ST7L: variants seen among roughly 807,000 people sequenced by gnomAD.
The protein encoded by ST7L is suppressor of tumorigenicity 7 protein-like.
Under a neutral mutation model 72.5 loss-of-function variants are expected in ST7L, and 57 were observed. The ratio of observed to expected loss-of-function variants is 0.79; its 90% CI spans 0.64 to 0.98. The LOEUF is 0.98. Among genes scored for constraint, ST7L ranks in the 50% least tolerant of loss-of-function variants. ST7L has a pLI of 0.00. For synonymous variants in ST7L, 221 were observed against 240.9 expected (o/e 0.92, Z 0.77); for missense variants, 576 against 672.2 (o/e 0.86, Z 1.58).
chr1:112,558,930 A>G (rs901792167), intron 11 of ST7L, among the ~76,000 whole-genome samples: 1 of 152,236 alleles, frequency 6.6e-6, no homozygotes, highest in African/African-American at 2.4e-5. Context: ...GAGCTTCTTC[A>G]GTAGGAAGCA....
Position 112,610,890 on chromosome 1 carries a change from A to C in ST7L, c.402T>G (p.Gly134=). 3 of 1,614,178 alleles carry C rather than the reference A, an allele frequency of 1.9e-6. No homozygotes were observed. The highest frequency in any genetic ancestry group is 2.5e-6 in the Non-Finnish European group (3 of 1,180,036). ...GGTESSISEP[G]SPSRNRENET... is the part of the protein sequence containing the mutation. The stretch of plus-strand genomic sequence containing the variant: ...CATTTTCTCTGTTCCTCGAAGGAGA[A>C]CCTGGTTCTGAAATGCTGCTCTCTG... Residue 134 remains glycine (G), a synonymous_variant, in exon 3 of 15, where the codon GGT becomes GGG. Transcript: ENST00000358039.
chr1:112,602,019 GGT>G (rs1667467017), intron 3 of ST7L, among the ~76,000 whole-genome samples: 1 of 151,296 alleles, frequency 6.6e-6, no homozygotes, highest in South Asian at 2.1e-4. Context: ...GGGAGGCGGA[GGT>G]TGCAGTGGAT....
intron 6 of ST7L, among the ~76,000 whole-genome samples, chr1:112,587,138 G>A (rs142218238): frequency 0.02 from 3,069 of 152,232 alleles, 106 homozygotes; most frequent in African/African-American, 0.069. Flanking sequence ...TAAGAGTTCT[G>A]TAGTTTTAAC....
intron 11 of ST7L, among the ~76,000 whole-genome samples, chr1:112,568,321 T>C (rs1478953930): frequency 1.3e-5 from 2 of 151,284 alleles, no homozygotes; most frequent in Non-Finnish European, 2.9e-5. Flanking sequence ...AATGGTCTAC[T>C]GTAATAATAT....
In ST7L at chr1:112,545,213, A is replaced by C. The variant is rs527296271; in HGVS notation, c.1490-3123T>G. Among the ~76,000 whole-genome samples the C allele has an allele frequency of 3.0e-3, 448 of 151,628 alleles. 1 individual carries two copies. Among genetic ancestry groups the C allele is most frequent in the African/African-American group, 0.01 (430 of 41,336 alleles). ...AGAACATAAAATATAATCAAACAAA[A>C]CCCCCCAGCATATTCCCCCTCTCCT... On this transcript the variant is annotated intron_variant, in intron 13 of 14. Coordinates refer to ENST00000358039, the MANE Select transcript of ST7L (RefSeq NM_017744.5).
At chr1:112,571,444 T>A in intron 11 of ST7L, 4 of 294,592 alleles carry the variant, frequency 1.4e-5, no homozygotes, top group Non-Finnish European at 2.6e-5. Context: ...TTTATTTATT[T>A]GAGACAGAGT....
chr1:112,602,463 G>A (rs555166837), intron 3 of ST7L, among the ~76,000 whole-genome samples: 36 of 152,290 alleles, frequency 2.4e-4, no homozygotes, highest in Middle Eastern at 3.4e-3. Flanking sequence ...AAAACTGCTA[G>A]TACATTAGCA....
intron 13 of ST7L, among the ~76,000 whole-genome samples, chr1:112,545,253 G>A (rs1197601329): frequency 2.0e-5 from 3 of 151,354 alleles, no homozygotes; most frequent in Non-Finnish European, 4.4e-5. Context: ...TCTGGAGTTT[G>A]CACCAAGTTA....
At chr1:112,597,837 T>C (rs1666706774) in intron 5 of ST7L, 134 bp downstream of exon 5, 1 of 477,946 alleles carries the variant, frequency 2.1e-6, no homozygotes, top group South Asian at 7.0e-5. Context: ...TTAATCTGAG[T>C]TTGTTATCAA....
intron 11 of ST7L, among the ~76,000 whole-genome samples, chr1:112,557,642 T>C (rs866320176): frequency 7.9e-5 from 12 of 152,332 alleles, no homozygotes; most frequent in African/African-American, 2.6e-4. Context: ...GATAACTCTA[T>C]GTTTAGGAAG....
intron 3 of ST7L, among the ~76,000 whole-genome samples, chr1:112,604,292 G>A (rs1667861228): frequency 6.6e-6 from 1 of 152,118 alleles, no homozygotes; most frequent in South Asian, 2.1e-4. Flanking sequence ...CTAGGCAACA[G>A]AGCGAGACTT....
At position 112,567,335 on chromosome 1, in the gene ST7L, T is replaced by G. The variant is rs1347695397; in HGVS notation, c.1245+9651A>C. Among the ~76,000 whole-genome samples, 5 of 152,292 alleles carry G rather than the reference T, an allele frequency of 3.3e-5. No homozygotes were observed. The East Asian group carries it at 9.6e-4, about 29-fold the overall frequency. ...CTTTTGCCCATTTTTTAATATTGTGTTTTTTTATATGTATATATTTTGGAT... is the reference window on the plus strand; with the variant it reads ...CTTTTGCCCATTTTTTAATATTGTGGTTTTTTATATGTATATATTTTGGAT... On this transcript the variant is annotated intron_variant, in intron 11 of 14. Transcript: ENST00000358039.
intron 11 of ST7L, among the ~76,000 whole-genome samples, chr1:112,557,522 C>T (rs368540134): frequency 3.4e-4 from 52 of 152,042 alleles, no homozygotes; most frequent in Non-Finnish European, 4.7e-4. Context: ...TTTTAGCTTT[C>T]GGCTATTATG....
intron 14 of ST7L, among the ~76,000 whole-genome samples, chr1:112,530,546 C>G (rs900611032): frequency 6.6e-6 from 1 of 152,124 alleles, no homozygotes; most frequent in Non-Finnish European, 1.5e-5. Flanking sequence ...TCCTGAGTAG[C>G]TGGGATTACA....
chr1:112,600,664 C>G, intron 4 of ST7L, 130 bp downstream of exon 4: 2 of 776,790 alleles, frequency 2.6e-6, no homozygotes, highest in Non-Finnish European at 4.2e-6. Flanking sequence ...GTGGACTAAT[C>G]ATTTTACTTT....
Position 112,584,134 on chromosome 1 carries a change from G to T in ST7L, c.702-8C>A. The T allele has an allele frequency of 6.2e-7, 1 of 1,607,708 alleles. No homozygotes were observed. On this transcript the variant is annotated splice_polypyrimidine_tract_variant and splice_region_variant and intron_variant, in intron 6 of 14. Transcript: ENST00000358039. Reference sequence around the variant, plus strand: ...ACATATGCAGTGGCACAGCTATGAAGAAAGCAAGAAGGCAATTTTAAATAA... The same window carrying T: ...ACATATGCAGTGGCACAGCTATGAATAAAGCAAGAAGGCAATTTTAAATAA...
At chr1:112,603,392 T>C (rs770054833) in intron 3 of ST7L, among the ~76,000 whole-genome samples, 2 of 152,192 alleles carry the variant, frequency 1.3e-5, no homozygotes, top group Non-Finnish European at 2.9e-5. Context: ...AAGTTCAGAT[T>C]TTACACTGCA....
At chr1:112,598,976 C>T (rs1666916668) in intron 4 of ST7L, among the ~76,000 whole-genome samples, 1 of 148,034 alleles carries the variant, frequency 6.8e-6, no homozygotes, top group South Asian at 2.1e-4. Flanking sequence ...AGAAGAATCA[C>T]TTGAACCCAG....
intron 12 of ST7L, among the ~76,000 whole-genome samples, chr1:112,551,801 C>T (rs959524805): frequency 3.9e-5 from 6 of 152,156 alleles, no homozygotes; most frequent in African/African-American, 1.2e-4. Context: ...GAAACTGTGA[C>T]TTTAAATGAA....
Sources: gnomAD v4.1 joint callset for allele counts (sites outside exome capture counted in the v4.1 genomes callset) on GRCh38, gnomAD v4.1.1 for gene constraint, MANE v1.5 for transcripts, NCBI Gene and HGNC (gene_info 2026-07-23, HGNC 2026-07-21) for gene names.